Variants in BCKDHB observed in about 807,000 individuals in gnomAD.
BCKDHB encodes the protein branched chain keto acid dehydrogenase E1 subunit beta.
In BCKDHB, 41 loss-of-function variants were observed where a neutral mutation model predicts 48.5. The ratio of observed to expected loss-of-function variants is 0.85; its 90% CI spans 0.66 to 1.10. The LOEUF is 1.10. Among genes scored for constraint, BCKDHB ranks in the 50% least tolerant of loss-of-function variants. BCKDHB has a pLI of 0.00. For synonymous variants in BCKDHB, 201 were observed against 174.8 expected (o/e 1.15, Z -1.18); for missense variants, 496 against 494.2 (o/e 1.00, Z -0.03).
the BCKDHB span, among the ~76,000 whole-genome samples, chr6:80,372,811 A>G: frequency 0.39 from 58,726 of 151,940 alleles, 12,557 homozygotes; most frequent in East Asian, 0.66. Context: ...ACTTGATCAT[A>G]GTGGATTCTC....
intron 6 of BCKDHB, among the ~76,000 whole-genome samples, chr6:80,184,425 G>A (rs1773548630): frequency 6.6e-6 from 1 of 152,072 alleles, no homozygotes; most frequent in Non-Finnish European, 1.5e-5. Flanking sequence ...GAGCGTTTAA[G>A]CCATATACAT....
the BCKDHB span, among the ~76,000 whole-genome samples, chr6:80,394,626 A>C: frequency 1.3e-5 from 2 of 152,150 alleles, no homozygotes; most frequent in Non-Finnish European, 2.9e-5. Context: ...AGGTTTGTCA[A>C]GTAACAGCAT....
intron 8 of BCKDHB, among the ~76,000 whole-genome samples, chr6:80,216,798 G>A (rs983951885): frequency 9.2e-5 from 14 of 151,968 alleles, no homozygotes; most frequent in Admixed American, 3.3e-4. Context: ...CTTTTTTTAC[G>A]AAATTGTATT....
the BCKDHB span, among the ~76,000 whole-genome samples, chr6:80,398,696 G>GAAAAA: frequency 5.7e-3 from 820 of 144,304 alleles, 7 homozygotes; most frequent in African/African-American, 0.019. Context: ...TAAAACTTTT[G>GAAAAA]AAAAAAAAAA....
At chr6:80,124,406 G>A (rs555167666) in intron 1 of BCKDHB, among the ~76,000 whole-genome samples, 1 of 152,256 alleles carries the variant, frequency 6.6e-6, no homozygotes, top group East Asian at 1.9e-4. Flanking sequence ...ATGTCTATTA[G>A]GTCCACTTGG....
intron 1 of BCKDHB, among the ~76,000 whole-genome samples, chr6:80,123,182 T>G (rs934587552): frequency 4.8e-4 from 73 of 152,230 alleles, no homozygotes; most frequent in African/African-American, 1.7e-3. Flanking sequence ...TGTTATTCTG[T>G]TGTTTTTCAA....
intron 8 of BCKDHB, among the ~76,000 whole-genome samples, chr6:80,242,968 G>A (rs1264877014): frequency 6.6e-6 from 1 of 152,144 alleles, no homozygotes; most frequent in East Asian, 1.9e-4. Context: ...GGCAGAGAAG[G>A]TTGACATCTC....
intron 8 of BCKDHB, among the ~76,000 whole-genome samples, chr6:80,229,056 G>A (rs572881588): frequency 1.3e-5 from 2 of 152,158 alleles, no homozygotes; most frequent in Non-Finnish European, 2.9e-5. Context: ...TTAAAACTGT[G>A]TATTCCTTCC....
At chr6:80,231,949 G>T (rs116901459) in intron 8 of BCKDHB, among the ~76,000 whole-genome samples, 2,444 of 152,258 alleles carry the variant, frequency 0.016, 27 homozygotes, top group Non-Finnish European at 0.024. Context: ...AGGGTCACAG[G>T]GCGAGAGTCT....
the BCKDHB span, among the ~76,000 whole-genome samples, chr6:80,388,092 C>G: frequency 6.6e-6 from 1 of 152,136 alleles, no homozygotes; most frequent in Non-Finnish European, 1.5e-5. Flanking sequence ...CCTAGTGGGC[C>G]TATTTGGATT....
the BCKDHB span, chr6:80,374,358 G>GCA: frequency 3.5e-4 from 297 of 854,270 alleles, 1 homozygote; most frequent in Middle Eastern, 1.4e-3. Context: ...CTTGGCCTGG[G>GCA]CACACCTGCC....
the BCKDHB span, among the ~76,000 whole-genome samples, chr6:80,351,852 G>A: frequency 1.5e-4 from 21 of 140,750 alleles, no homozygotes; most frequent in Non-Finnish European, 2.4e-4. Context: ...ACGGAGTTTC[G>A]CTCTTGTTGC....
At chr6:80,445,453 G>T in the BCKDHB span, among the ~76,000 whole-genome samples, 1 of 152,100 alleles carries the variant, frequency 6.6e-6, no homozygotes, top group Admixed American at 6.5e-5. Flanking sequence ...GGTGAGTGCT[G>T]GTTCCCACAG....
At chr6:80,237,681 A>G (rs1776200999) in intron 8 of BCKDHB, among the ~76,000 whole-genome samples, 1 of 152,206 alleles carries the variant, frequency 6.6e-6, no homozygotes, top group African/African-American at 2.4e-5. Context: ...GTAAGTTGGC[A>G]TGGCCAGAGC....
chr6:80,252,299 T>G (rs1776868743), intron 8 of BCKDHB, among the ~76,000 whole-genome samples: 1 of 152,196 alleles, frequency 6.6e-6, no homozygotes, highest in Admixed American at 6.6e-5. Context: ...TGTGGCAAAT[T>G]GAGAGATTTC....
the BCKDHB span, among the ~76,000 whole-genome samples, chr6:80,358,966 C>T: frequency 6.6e-6 from 1 of 152,106 alleles, no homozygotes; most frequent in East Asian, 1.9e-4. Flanking sequence ...AATGAGGCAG[C>T]AAATCAATCA....
chr6:80,217,497 G>C (rs1319383968), intron 8 of BCKDHB, among the ~76,000 whole-genome samples: 1 of 151,826 alleles, frequency 6.6e-6, no homozygotes, highest in African/African-American at 2.4e-5. Context: ...AGTTTTTTCT[G>C]TATTTCCCTT....
the BCKDHB span, among the ~76,000 whole-genome samples, chr6:80,429,064 G>C: frequency 6.6e-6 from 1 of 152,220 alleles, no homozygotes; most frequent in East Asian, 1.9e-4. Context: ...TGTAAGGGAG[G>C]GGTCCAGTTT....
chr6:80,325,449 A>G (rs1768985872), intron 9 of BCKDHB, among the ~76,000 whole-genome samples: 2 of 152,238 alleles, frequency 1.3e-5, no homozygotes, highest in Admixed American at 1.3e-4. Context: ...AACAAATGCT[A>G]GTAAGAATTT....
Sources: allele counts gnomAD v4.1 joint callset (sites outside exome capture counted in the v4.1 genomes callset), GRCh38; gene constraint gnomAD v4.1.1; transcripts MANE v1.5; gene names NCBI Gene and HGNC (gene_info 2026-07-23, HGNC 2026-07-21).